The following RNASET2 variants were observed in gnomAD, a reference collection of about 807,000 sequenced individuals.
The protein encoded by RNASET2 is ribonuclease T2.
In RNASET2, 28 loss-of-function variants were observed where a neutral mutation model predicts 33.9. That is an observed-to-expected ratio of 0.83 (90% CI 0.61 to 1.13). The LOEUF (loss-of-function observed/expected upper bound fraction) is 1.13, where lower values mean the gene tolerates loss of function less well. Ranked by LOEUF, RNASET2 falls within the 50% of genes most tolerant of loss-of-function variation. The pLI, the probability that RNASET2 is intolerant of heterozygous loss-of-function variation, is 0.00. For synonymous variants in RNASET2, 123 were observed against 121.0 expected, an observed-to-expected ratio of 1.02 and a Z score of -0.11; for missense variants, 330 against 319.9, an observed-to-expected ratio of 1.03 and a Z score of -0.24.
Position 166,955,326 on chromosome 6 carries a change from C to G in RNASET2, c.86+771G>C, listed in dbSNP as rs1245569389. On this transcript the variant is annotated intron_variant, in intron 1 of 8. Coordinates refer to ENST00000508775, the MANE Select transcript of RNASET2 (RefSeq NM_003730.6). ...CACACACGACACACACGCACACACA[C>G]GCACGCACGCACACGCACACGCACG... 1.1e-4 allele frequency among the ~76,000 whole-genome samples: 8 copies of G among 71,344 alleles called. 1 individual carries two copies. In the South Asian group the frequency reaches 5.1e-3, roughly 46 times the overall value. The allele number at this position is 71,344 out of a possible 152,430, so 46.8% of individuals were successfully genotyped here.
chr6:166,949,384 C>G (rs1778928141), intron 2 of RNASET2, among the ~76,000 whole-genome samples: 1 of 148,136 alleles, frequency 6.8e-6, no homozygotes, highest in Non-Finnish European at 1.5e-5. Context: ...TCCTACAGTT[C>G]CAGCTCCTCA....
At chr6:166,936,913 CTGTT>C (rs1409205172) in intron 6 of RNASET2, among the ~76,000 whole-genome samples, 2 of 152,190 alleles carry the variant, frequency 1.3e-5, no homozygotes, top group African/African-American at 2.4e-5. Flanking sequence ...TATCCTTTCT[CTGTT>C]TGATTAAATG....
chr6:166,950,312 C>G (rs901853197), intron 2 of RNASET2, among the ~76,000 whole-genome samples: 1 of 152,190 alleles, frequency 6.6e-6, no homozygotes, highest in Non-Finnish European at 1.5e-5. Flanking sequence ...AGGCAGCTTC[C>G]GGCTCCTTCT....
intron 4 of RNASET2, among the ~76,000 whole-genome samples, chr6:166,944,834 G>A (rs1463843734): frequency 2.6e-5 from 4 of 151,896 alleles, no homozygotes; most frequent in South Asian, 2.1e-4. Context: ...CTGTTAACAC[G>A]GGGCTCCACC....
In RNASET2 at chr6:166,929,743, G is replaced by A. The variant is rs1778374719; in HGVS notation, c.616C>T (p.Gln206Ter). The A allele has an allele frequency of 3.1e-6, 5 of 1,614,090 alleles. No homozygotes were observed. Among genetic ancestry groups the A allele is most frequent in the Non-Finnish European group, 3.4e-6 (4 of 1,180,034 alleles). The change falls in exon 9 of 9, where the codon CAA (glutamine) becomes TAA (stop). Residue 206 changes from glutamine (Q) to a stop codon, truncating the protein, a stop_gained. Transcript: ENST00000508775. LOFTEE classifies it low-confidence loss of function (END_TRUNC). ...GTGCAGTTTTGCAGCTGCTGGTCTTGCTTAGTGAGGCACAGTTCTATCTGA... is the reference window on the plus strand; with the variant it reads ...GTGCAGTTTTGCAGCTGCTGGTCTTACTTAGTGAGGCACAGTTCTATCTGA... The part of the protein sequence containing the change: ...IGQIELCLTK[Q>*]DQQLQNCTEP...
intron 8 of RNASET2, 101 bp downstream of exon 8, chr6:166,930,943 A>G (rs542620917): frequency 1.2e-6 from 1 of 850,898 alleles, no homozygotes; most frequent in Non-Finnish European, 2.1e-6. Flanking sequence ...ATGCACAAAT[A>G]CAAGTCTGCC....
In RNASET2 at chr6:166,925,038, C is replaced by A. The variant is rs1778283405; in HGVS notation, c.*4550G>T. On this transcript the variant is annotated 3_prime_UTR_variant, in exon 9 of 9. Transcript: ENST00000508775. ...CAGCCCTCACCCACAGTGTCCAGACCTCACTTCTCCCACCCAGGCCTCTAC... is the reference window on the plus strand; with the variant it reads ...CAGCCCTCACCCACAGTGTCCAGACATCACTTCTCCCACCCAGGCCTCTAC... Among the ~76,000 whole-genome samples, 1 of 151,908 alleles carries A rather than the reference C, an allele frequency of 6.6e-6. No individual in the cohort carries two copies. Among genetic ancestry groups the A allele is most frequent in the African/African-American group, 2.4e-5 (1 of 41,320 alleles).
chr6:166,942,092 GC>G (rs778184738), intron 5 of RNASET2, among the ~76,000 whole-genome samples: 1 of 120,160 alleles, frequency 8.3e-6, no homozygotes, highest in African/African-American at 3.5e-5. Flanking sequence ...TTGCCCTGTT[GC>G]CCGGGCTGGA....
At position 166,931,049 on chromosome 6, in the gene RNASET2, TTGG is replaced by T. The variant is rs766694983; in HGVS notation, c.559_561del (p.Pro187del). The T allele has an allele frequency of 4.3e-6, 7 of 1,610,138 alleles. No individual in the cohort carries two copies. In the South Asian group the frequency reaches 4.4e-5, roughly 10 times the overall value. Reference sequence around the variant, plus strand: ...ACAAAACATAACTGTCTAACCTGGCTTGGTGGAAGGCACTGGATTTTGGGTATC... The same window carrying T: ...ACAAAACATAACTGTCTAACCTGGCTTGGAAGGCACTGGATTTTGGGTATC... On this transcript the variant is annotated inframe_deletion, in exon 8 of 9. Transcript: ENST00000508775.
Position 166,956,291 on chromosome 6 carries a change from C to T in RNASET2, c.-109G>A. ...AAACGCTGTCTCCGAGCCCCCGCGCCGCCGCGCTCCCTCCGCTGCAGCAGC... is the reference window on the plus strand; with the variant it reads ...AAACGCTGTCTCCGAGCCCCCGCGCTGCCGCGCTCCCTCCGCTGCAGCAGC... On this transcript the variant is annotated 5_prime_UTR_variant, in exon 1 of 9. Coordinates refer to ENST00000508775, the MANE Select transcript of RNASET2 (RefSeq NM_003730.6). 1 of 1,087,468 alleles carries T rather than the reference C, an allele frequency of 9.2e-7. No individual in the cohort carries two copies. The highest frequency in any genetic ancestry group is 1.4e-6 in the Non-Finnish European group (1 of 729,992). The allele number at this position is 1,087,468 out of a possible 1,614,324, so 67.4% of individuals were successfully genotyped here. A position where few individuals can be genotyped will look rare whatever the true frequency, so the allele number is the denominator to read the frequency against.
chr6:166,932,799 C>T (rs754930500), intron 7 of RNASET2: 8 of 152,214 alleles, frequency 5.3e-5, no homozygotes, highest in Admixed American at 1.3e-4. Context: ...CCCTGAACAC[C>T]GAGCTCTGGG....
chr6:166,942,934 C>T, intron 5 of RNASET2, 85 bp downstream of exon 5: 1 of 1,089,618 alleles, frequency 9.2e-7, no homozygotes. Context: ...TTGCTTCCCA[C>T]ACAGTTTCCA....
chr6:166,923,969 AATT>A lies in RNASET2; in HGVS notation c.*5616_*5618del, dbSNP rs1404848323. ...CTCAGCTGCCTTAGGACCTGCATTA[AATT>A]ATTTTTATTCCTGATCCAAAGTTCG... On this transcript the variant is annotated 3_prime_UTR_variant, in exon 9 of 9. Coordinates refer to ENST00000508775, the MANE Select transcript of RNASET2 (RefSeq NM_003730.6). 6.6e-6 allele frequency among the ~76,000 whole-genome samples: 1 copy of A among 152,188 alleles called. No individual in the cohort carries two copies. The highest frequency in any genetic ancestry group is 1.5e-5 in the Non-Finnish European group (1 of 68,026).
chr6:166,947,789 G>C (rs1265651827), intron 3 of RNASET2, among the ~76,000 whole-genome samples: 1 of 152,176 alleles, frequency 6.6e-6, no homozygotes, highest in African/African-American at 2.4e-5. Context: ...GAGGCAGTGG[G>C]ACAAAACGGG....
chr6:166,942,055 C>CTTTTTT (rs1449351659), intron 5 of RNASET2, among the ~76,000 whole-genome samples: 1 of 33,442 alleles, frequency 3.0e-5, no homozygotes. Flanking sequence ...TAGAAGACAT[C>CTTTTTT]TTCTTTTTTT....
At chr6:166,930,823 T>C (rs1256075043) in intron 8 of RNASET2, among the ~76,000 whole-genome samples, 32 of 118,772 alleles carry the variant, frequency 2.7e-4, no homozygotes, top group African/African-American at 9.0e-4. Flanking sequence ...CATGCACACA[T>C]AGCACATGCC....
chr6:166,951,898 C>T (rs1222279895), intron 2 of RNASET2, among the ~76,000 whole-genome samples: 2 of 152,164 alleles, frequency 1.3e-5, no homozygotes, highest in East Asian at 1.9e-4. Flanking sequence ...TGGGTTGAAC[C>T]GTGTCCTCCC....
Position 166,925,008 on chromosome 6 carries a change from C to T in RNASET2, c.*4580G>A, listed in dbSNP as rs1778282989. ...CTCCACCGCGCAGGCCTCATCTACG[C>T]CATCCAGCCCTCACCCACAGTGTCC... On this transcript the variant is annotated 3_prime_UTR_variant, in exon 9 of 9. Transcript: ENST00000508775. 6.6e-6 allele frequency among the ~76,000 whole-genome samples: 1 copy of T among 152,170 alleles called. No homozygotes were observed.
Position 166,923,100 on chromosome 6 carries a change from C to G in RNASET2, c.*6488G>C, listed in dbSNP as rs766566170. Among the ~76,000 whole-genome samples, 2 of 152,188 alleles carry G rather than the reference C, an allele frequency of 1.3e-5. No individual in the cohort carries two copies. Among genetic ancestry groups the G allele is most frequent in the Non-Finnish European group, 1.5e-5 (1 of 68,026 alleles). On this transcript the variant is annotated 3_prime_UTR_variant, in exon 9 of 9. Transcript: ENST00000508775. The stretch of plus-strand genomic sequence containing the variant: ...CTTAACTTTATCCATCTCAAACTTT[C>G]TTTTGGAGATGGAGTCTCACTCTGT...
Sources: gnomAD v4.1 joint callset for allele counts (sites outside exome capture counted in the v4.1 genomes callset) on GRCh38, gnomAD v4.1.1 for gene constraint, MANE v1.5 for transcripts, NCBI Gene and HGNC (gene_info 2026-07-23, HGNC 2026-07-21) for gene names.